The following WDR4 variants were observed in gnomAD, a reference collection of about 807,000 sequenced individuals.
WDR4 encodes WDR4 tRNA N7-guanosine methyltransferase non-catalytic subunit, also known as tRNA (guanine-N(7)-)-methyltransferase non-catalytic subunit WDR4.
WDR4 carries 47 observed loss-of-function variants against 48.6 expected under a neutral mutation model. The ratio of observed to expected loss-of-function variants is 0.97; its 90% CI spans 0.77 to 1.23. The LOEUF is 1.23. Ranked by LOEUF, WDR4 falls within the 50% of genes most tolerant of loss-of-function variation. The probability of loss-of-function intolerance (pLI) is 0.00; values close to 1 mark genes in which losing one functional copy is unlikely to be tolerated. For synonymous variants in WDR4, 268 were observed against 230.0 expected (o/e 1.17, Z -1.49); for missense variants, 606 against 551.6 (o/e 1.10, Z -0.99).
chr21:42,855,152 A>T (rs1343387026), intron 7 of WDR4, among the ~76,000 whole-genome samples: 2 of 152,224 alleles, frequency 1.3e-5, no homozygotes, highest in Admixed American at 6.5e-5. Context: ...AATTTTTTTT[A>T]AATGAAGGAA....
chr21:42,845,902 G>A (rs1184157444), downstream of WDR4, among the ~76,000 whole-genome samples: 1 of 152,218 alleles, frequency 6.6e-6, no homozygotes, highest in Non-Finnish European at 1.5e-5. Context: ...GGAAACTAAG[G>A]CAGGAGGACT....
chr21:42,849,908 A>G lies in WDR4; in HGVS notation c.*141T>C. On this transcript the variant is annotated 3_prime_UTR_variant, in exon 11 of 11. Coordinates refer to ENST00000398208, the MANE Select transcript of WDR4 (RefSeq NM_018669.6). ...TGGTGACACAGAATGTTCTTTCTAG[A>G]GCCCAGGGGACAGCCCCATCCTCTG... 1.0e-6 allele frequency: 1 copy of G among 1,002,290 alleles called. No homozygotes were observed. Among genetic ancestry groups the G allele is most frequent in the Non-Finnish European group, 1.5e-6 (1 of 689,488 alleles). 62.1% of individuals were successfully genotyped at this position (1,002,290 alleles called of 1,614,324 possible).
At chr21:42,858,825 G>A (rs1464612346) in intron 6 of WDR4, among the ~76,000 whole-genome samples, 2 of 152,142 alleles carry the variant, frequency 1.3e-5, no homozygotes, top group African/African-American at 2.4e-5. Flanking sequence ...AGCCCAATCA[G>A]AGAAGAAACA....
chr21:42,873,519 C>A (rs377692882), intron 3 of WDR4, 32 bp downstream of exon 3: 3 of 1,612,330 alleles, frequency 1.9e-6, no homozygotes, highest in Non-Finnish European at 2.5e-6. Context: ...GTGCATTCGA[C>A]ATCTTAAGAA....
At chr21:42,855,832 G>A in intron 6 of WDR4, 52 bp from the exon 7 acceptor site, 3 of 1,442,902 alleles carry the variant, frequency 2.1e-6, no homozygotes, top group African/African-American at 1.4e-5. Context: ...CTTCCGTCAG[G>A]TAGGGTGACA....
chr21:42,891,444 T>C, the WDR4 span, among the ~76,000 whole-genome samples: 1 of 151,832 alleles, frequency 6.6e-6, no homozygotes, highest in Non-Finnish European at 1.5e-5. Context: ...TCTTCTTGAG[T>C]GTTGCAACTC....
rs775559748 is a variant in WDR4, at chr21:42,854,628, T to C, written c.727-2A>G. On this transcript the variant is annotated splice_acceptor_variant, in intron 7 of 10. Transcript: ENST00000398208. LOFTEE classifies it high-confidence loss of function. ...TGCAATCCTGGACGCGGCAAACTTC[T>C]AAAAGGAGAAGAAGCCCATTAACTT... The C allele has an allele frequency of 9.9e-6, 16 of 1,613,298 alleles. No homozygotes were observed. Among genetic ancestry groups the C allele is most frequent in the Non-Finnish European group, 1.2e-5 (14 of 1,179,758 alleles).
the WDR4 span, among the ~76,000 whole-genome samples, chr21:42,892,671 T>TAA: frequency 7.2e-5 from 11 of 152,206 alleles, no homozygotes; most frequent in African/African-American, 2.7e-4. Flanking sequence ...ACTCCACAAT[T>TAA]ACGACTAACG....
chr21:42,861,024 C>A (rs1026312029), intron 5 of WDR4, among the ~76,000 whole-genome samples: 1 of 152,122 alleles, frequency 6.6e-6, no homozygotes, highest in South Asian at 2.1e-4. Flanking sequence ...GAAAAGTAAA[C>A]GGGCAGGCCG....
upstream of WDR4, chr21:42,879,545 C>T (rs1264638738): frequency 6.3e-7 from 1 of 1,597,256 alleles, no homozygotes. Context: ...AGAGCCTCTT[C>T]CTGTCCGCAC....
chr21:42,861,594 A>C (rs2058118820), intron 5 of WDR4, among the ~76,000 whole-genome samples: 1 of 152,084 alleles, frequency 6.6e-6, no homozygotes, highest in South Asian at 2.1e-4. Context: ...AGCGAACTAA[A>C]TGCAAGTCAG....
downstream of WDR4, among the ~76,000 whole-genome samples, chr21:42,847,024 C>A (rs982108645): frequency 9.2e-6 from 1 of 108,866 alleles, no homozygotes; most frequent in Non-Finnish European, 1.9e-5. Context: ...GGCAACAGAG[C>A]GAGACTCTGT....
the WDR4 span, among the ~76,000 whole-genome samples, chr21:42,887,398 T>TG: frequency 5.9e-5 from 9 of 151,692 alleles, no homozygotes; most frequent in South Asian, 1.9e-3. Context: ...CTCAGCCTCC[T>TG]AAAGTGCAGA....
intron 3 of WDR4, among the ~76,000 whole-genome samples, chr21:42,864,694 A>T (rs2058209289): frequency 6.6e-6 from 1 of 152,232 alleles, no homozygotes; most frequent in South Asian, 2.1e-4. Context: ...CAAGAACCAA[A>T]GTCACAGTTC....
intron 2 of WDR4, among the ~76,000 whole-genome samples, chr21:42,875,021 G>A (rs528388462): frequency 3.9e-5 from 6 of 152,100 alleles, no homozygotes; most frequent in East Asian, 1.9e-4. Flanking sequence ...TGTCTCCCCC[G>A]GACGCCCAGC....
At chr21:42,866,878 G>A (rs1310761056) in intron 3 of WDR4, among the ~76,000 whole-genome samples, 1 of 152,172 alleles carries the variant, frequency 6.6e-6, no homozygotes, top group Non-Finnish European at 1.5e-5. Context: ...GAAAGTGGCA[G>A]TAACTTCACA....
At chr21:42,870,929 T>C (rs2058357045) in intron 3 of WDR4, among the ~76,000 whole-genome samples, 1 of 152,234 alleles carries the variant, frequency 6.6e-6, no homozygotes, top group Admixed American at 6.5e-5. Context: ...CAAAATGAAC[T>C]GTTATGTGCT....
In WDR4 at chr21:42,855,745, G is replaced by A; in HGVS notation, c.663C>T (p.Gly221=). Residue 221 remains glycine (G), a synonymous_variant, in exon 7 of 11, where the codon GGC becomes GGT. Coordinates refer to ENST00000398208, the MANE Select transcript of WDR4 (RefSeq NM_018669.6). ...GTLRLWEYRS[G]RQLHCCHLAS... ...CCAGGTGACAGCAGTGCAGCTGGCG[G>A]CCGCTCCTGTACTCCCAGAGCCTCA... The A allele has an allele frequency of 6.4e-7, 1 of 1,553,480 alleles. No individual in the cohort carries two copies. Among genetic ancestry groups the A allele is most frequent in the Non-Finnish European group, 8.7e-7 (1 of 1,148,148 alleles).
rs149806842 is a variant in WDR4, at chr21:42,850,065, G to A, written c.1223C>T (p.Ala408Val). ...GHAKKMRPGE[A>V]TLSC ...CCGCCACGATCAGCAACTTAGCGTC[G>A]CCTCCCCCGGTCTCATCTTCTTGGC... Residue 408 changes from alanine to valine, a missense_variant, in exon 11 of 11, where the codon GCG becomes GTG. Physicochemically the swap from Ala to Val is moderately conservative, Grantham distance 64. Coordinates refer to ENST00000398208, the MANE Select transcript of WDR4 (RefSeq NM_018669.6). The A allele has an allele frequency of 2.0e-4, 320 of 1,613,744 alleles. 2 individuals carry two copies. The highest frequency in any genetic ancestry group is 1.7e-4 in the Middle Eastern group (1 of 6,056).
Sources: gnomAD v4.1 joint callset for allele counts (sites outside exome capture counted in the v4.1 genomes callset) on GRCh38, gnomAD v4.1.1 for gene constraint, MANE v1.5 for transcripts, NCBI Gene and HGNC (gene_info 2026-07-23, HGNC 2026-07-21) for gene names.